The following STARD7 variants were observed in gnomAD, a reference collection of about 807,000 sequenced individuals.
The protein encoded by STARD7 is stAR-related lipid transfer protein 7, mitochondrial.
A neutral mutation model predicts 45.3 loss-of-function variants in STARD7; 30 were observed. The ratio of observed to expected loss-of-function variants is 0.66; its 90% CI spans 0.50 to 0.90. The LOEUF (loss-of-function observed/expected upper bound fraction) is 0.90, where lower values mean the gene tolerates loss of function less well. STARD7 is among the 40% of genes least tolerant of loss of function. The pLI is 0.00. For missense variants in STARD7, 495 were observed against 491.3 expected, an observed-to-expected ratio of 1.01 and a Z score of -0.07; for synonymous variants, 199 against 183.0, an observed-to-expected ratio of 1.09 and a Z score of -0.70.
intron 3 of STARD7, 68 bp downstream of exon 3, chr2:96,194,890 T>A: frequency 1.5e-6 from 2 of 1,326,946 alleles, no homozygotes. Flanking sequence ...GTCAGATAAA[T>A]GATTCATGTA....
At chr2:96,192,278 C>T in intron 6 of STARD7, 91 bp downstream of exon 6, 1 of 1,047,678 alleles carries the variant, frequency 9.5e-7, no homozygotes, top group Non-Finnish European at 1.5e-6. Flanking sequence ...TGTTCCTGCG[C>T]CACACCCCCT....
chr2:96,205,470 C>T (rs1683374449), intron 1 of STARD7, among the ~76,000 whole-genome samples: 1 of 152,206 alleles, frequency 6.6e-6, no homozygotes, highest in African/African-American at 2.4e-5. Context: ...AGAATCAGCA[C>T]AGATGAGCCA....
rs1573938173 is a variant in STARD7 at position 96,186,241 on chromosome 2, G to A, written c.*489C>T. 2.0e-5 allele frequency: 3 copies of A among 152,824 alleles called. No individual in the cohort carries two copies. In the Admixed American group the frequency reaches 2.0e-4, roughly 10 times the overall value. The allele number at this position is 152,824 out of a possible 1,614,324, so 9.5% of individuals were successfully genotyped here. On this transcript the variant is annotated 3_prime_UTR_variant, in exon 8 of 8. Coordinates refer to ENST00000337288, the MANE Select transcript of STARD7 (RefSeq NM_020151.4). ...CGGACAAGGCACTTAACATAGCCAA[G>A]TATCGTTCACACCCATTCACATCAT... is the stretch of plus-strand genomic sequence containing the variant.
rs145045733 is a variant in STARD7, at chr2:96,208,229, G to A, written c.206C>T (p.Pro69Leu). The A allele has an allele frequency of 1.4e-3, 2,273 of 1,612,510 alleles. 5 individuals are homozygous for A. The highest frequency in any genetic ancestry group is 1.3e-3 in the Non-Finnish European group (1,515 of 1,179,616). Residue 69 changes from proline to leucine, a missense_variant, in exon 1 of 8, where the codon CCT (proline) becomes CTT (leucine). Around this residue, in one of 2 missense-constraint regions of STARD7, gnomAD observed 282 missense variants for 220.1 expected, o/e 1.28. Transcript: ENST00000337288. ...GRLWRRLHGR[P>L]GHASALMAAL... ...CGCCATCAAGGCAGAGGCATGGCCA[G>A]GACGGCCGTGCAGCCGGCGCCAGAG...
At chr2:96,200,444 A>G (rs1484718115) in intron 1 of STARD7, among the ~76,000 whole-genome samples, 1 of 152,192 alleles carries the variant, frequency 6.6e-6, no homozygotes, top group East Asian at 1.9e-4. Flanking sequence ...ATTCAGGGGT[A>G]TATACATATG....
chr2:96,203,314 C>T (rs1361440259), intron 1 of STARD7, among the ~76,000 whole-genome samples: 1 of 152,134 alleles, frequency 6.6e-6, no homozygotes, highest in African/African-American at 2.4e-5. Context: ...AGAGATTATT[C>T]CCAAAATAGT....
At chr2:96,197,928 AT>A (rs1683249891) in intron 1 of STARD7, among the ~76,000 whole-genome samples, 2 of 152,186 alleles carry the variant, frequency 1.3e-5, no homozygotes, top group Non-Finnish European at 2.9e-5. Flanking sequence ...ATTCCATTGT[AT>A]GGATAGATCG....
In STARD7 at chr2:96,186,663, T is replaced by C; in HGVS notation, c.*67A>G. 1.6e-5 allele frequency: 21 copies of C among 1,306,048 alleles called. No homozygotes were observed. The highest frequency in any genetic ancestry group is 2.1e-5 in the Non-Finnish European group (20 of 952,366). The allele number at this position is 1,306,048 out of a possible 1,614,324, so 80.9% of individuals were successfully genotyped here. A position where few individuals can be genotyped will look rare whatever the true frequency, so the allele number is the denominator to read the frequency against. On this transcript the variant is annotated 3_prime_UTR_variant, in exon 8 of 8. Transcript: ENST00000337288. ...TAATACATGTGGCATGTCCCCCTTC[T>C]ACAGCAGAGTGATAACGGACTGAGA...
At chr2:96,196,663 G>A (rs571739695) in intron 1 of STARD7, among the ~76,000 whole-genome samples, 8 of 152,130 alleles carry the variant, frequency 5.3e-5, no homozygotes, top group African/African-American at 1.2e-4. Context: ...GGGTTTCACC[G>A]TGTTACCCAG....
rs951329648 is a variant in STARD7 at position 96,193,170 on chromosome 2, T to C, written c.661-10A>G. The C allele has an allele frequency of 1.3e-5, 21 of 1,607,478 alleles. No homozygotes were observed. The highest frequency in any genetic ancestry group is 1.7e-5 in the Non-Finnish European group (20 of 1,174,228). ...GTGAGTACATTGGATACTAAAGAAA[T>C]GGAGGAGCAGGATTAGTGTTCTGCA... On this transcript the variant is annotated splice_polypyrimidine_tract_variant and intron_variant, in intron 4 of 7. Coordinates refer to ENST00000337288, the MANE Select transcript of STARD7 (RefSeq NM_020151.4).
At position 96,208,196 on chromosome 2, in the gene STARD7, G is replaced by A. The variant is rs1253235783; in HGVS notation, c.239C>T (p.Ala80Val). 2 of 1,607,100 alleles carry A rather than the reference G, an allele frequency of 1.2e-6. No individual in the cohort carries two copies. Among genetic ancestry groups the A allele is most frequent in the Non-Finnish European group, 1.7e-6 (2 of 1,177,358 alleles). The change falls in exon 1 of 8, where the codon GCC becomes GTC. Residue 80 changes from alanine (A) to valine (V), a missense_variant. By Grantham distance (64) the Ala-to-Val change is moderately conservative (BLOSUM62 0). Coordinates refer to ENST00000337288, the MANE Select transcript of STARD7 (RefSeq NM_020151.4). Reference protein sequence around the residue: ...GHASALMAALAGVFVWDEERI... With the variant: ...GHASALMAALVGVFVWDEERI... ...CTCCTCGTCCCAAACGAAGACGCCG[G>A]CTAACGCCGCCATCAAGGCAGAGGC... is the stretch of plus-strand genomic sequence containing the variant.
In STARD7 at chr2:96,208,108, A is replaced by AC. The variant is rs768302278; in HGVS notation, c.290+36dup. 2.0e-6 allele frequency: 3 copies of AC among 1,463,442 alleles called. No homozygotes were observed. The South Asian group carries it at 4.1e-5, about 20-fold the overall frequency. The allele number at this position is 1,463,442 out of a possible 1,614,324, so 90.7% of individuals were successfully genotyped here. On this transcript the variant is annotated intron_variant, in intron 1 of 7. Coordinates refer to ENST00000337288, the MANE Select transcript of STARD7 (RefSeq NM_020151.4). ...GGCCCCAGGGTTCACAAGCCCCCCCACCCCACGGCCCAGAAAGAGCTCGCC... is the reference window on the plus strand; with the variant it reads ...GGCCCCAGGGTTCACAAGCCCCCCCACCCCCACGGCCCAGAAAGAGCTCGCC...
chr2:96,207,102 TAAGA>T (rs1196389936), intron 1 of STARD7, among the ~76,000 whole-genome samples: 6 of 152,260 alleles, frequency 3.9e-5, no homozygotes, highest in Non-Finnish European at 7.3e-5. Flanking sequence ...TCCCAGTTCT[TAAGA>T]TAGACTTGCA....
chr2:96,195,321 G>A lies in STARD7; in HGVS notation c.499+20C>T, dbSNP rs1458804003. 2 of 1,549,694 alleles carry A rather than the reference G, an allele frequency of 1.3e-6. No individual in the cohort carries two copies. Among genetic ancestry groups the A allele is most frequent in the South Asian group, 1.2e-5 (1 of 84,256 alleles). On this transcript the variant is annotated intron_variant, in intron 2 of 7. Transcript: ENST00000337288. Reference sequence around the variant, plus strand: ...ACCTGTGCAACTATGGAACCCAAAAGATAGCCACACTGGGCTCACCTCGGT... The same window carrying A: ...ACCTGTGCAACTATGGAACCCAAAAAATAGCCACACTGGGCTCACCTCGGT...
rs759135509 is a variant in STARD7 at position 96,208,711 on chromosome 2, C to T, written c.-277G>A. 8.9e-5 allele frequency: 37 copies of T among 413,492 alleles called. No individual in the cohort carries two copies. Among genetic ancestry groups the T allele is most frequent in the Middle Eastern group, 3.0e-4 (1 of 3,294 alleles). The allele number at this position is 413,492 out of a possible 1,614,324, so 25.6% of individuals were successfully genotyped here. A position where few individuals can be genotyped will look rare whatever the true frequency, so the allele number is the denominator to read the frequency against. On this transcript the variant is annotated 5_prime_UTR_variant, in exon 1 of 8. Coordinates refer to ENST00000337288, the MANE Select transcript of STARD7 (RefSeq NM_020151.4). The stretch of plus-strand genomic sequence containing the variant: ...GGCAGCAGACCAGTCAGCCCTGTGG[C>T]TCCTCGGCGACCTCCAGCGGGCGCC...
Position 96,208,636 on chromosome 2 carries a change from C to G in STARD7, c.-202G>C. 2 of 474,142 alleles carry G rather than the reference C, an allele frequency of 4.2e-6. No homozygotes were observed. The highest frequency in any genetic ancestry group is 7.3e-6 in the Non-Finnish European group (2 of 274,738). 29.4% of individuals were successfully genotyped at this position (474,142 alleles called of 1,614,324 possible). On this transcript the variant is annotated 5_prime_UTR_variant, in exon 1 of 8. Transcript: ENST00000337288. ...CTGAGGGGAGAGTCGGTCATGGCAG[C>G]AGACGCCGGGATGGCTCCGCGACTG...
At chr2:96,196,860 A>G (rs2104189998) in intron 1 of STARD7, among the ~76,000 whole-genome samples, 1 of 151,818 alleles carries the variant, frequency 6.6e-6, no homozygotes, top group African/African-American at 2.4e-5. Flanking sequence ...TGAGGTCAGG[A>G]GTTTGAGACC....
chr2:96,197,095 A>C (rs567496080), intron 1 of STARD7, among the ~76,000 whole-genome samples: 1,905 of 138,090 alleles, frequency 0.014, 110 homozygotes, highest in East Asian at 0.1. Context: ...ATAAAATAAA[A>C]TAAAATAAAA....
intron 1 of STARD7, among the ~76,000 whole-genome samples, chr2:96,198,278 G>A (rs944014467): frequency 1.3e-4 from 20 of 150,674 alleles, no homozygotes; most frequent in Admixed American, 7.3e-4. Flanking sequence ...AGCCAAGATT[G>A]CACCACTTCA....
Sources: allele counts gnomAD v4.1 joint callset (sites outside exome capture counted in the v4.1 genomes callset), GRCh38; gene constraint gnomAD v4.1.1; regional missense constraint gnomAD v4.1.1; transcripts MANE v1.5; gene names NCBI Gene and HGNC (gene_info 2026-07-23, HGNC 2026-07-21).